ZNF804B: variants seen among roughly 807,000 people sequenced by gnomAD.
ZNF804B encodes zinc finger 804B.
ZNF804B carries 80 observed loss-of-function variants against 101.4 expected under a neutral mutation model. That is an observed-to-expected ratio of 0.79 (90% CI 0.66 to 0.95). The LOEUF (loss-of-function observed/expected upper bound fraction) is 0.95. Ranked by LOEUF, ZNF804B falls within the 40% of genes least tolerant of loss-of-function variation. The probability of loss-of-function intolerance (pLI) is 0.00; values close to 1 mark genes in which losing one functional copy is unlikely to be tolerated. For missense variants in ZNF804B, 1,673 were observed against 1,561.9 expected, an observed-to-expected ratio of 1.07 and a Z score of -1.20; for synonymous variants, 622 against 558.8, an observed-to-expected ratio of 1.11 and a Z score of -1.59.
chr7:88,961,278 T>C lies in ZNF804B; in HGVS notation c.108+201194T>C, dbSNP rs1299518604. Reference sequence around the variant, plus strand: ...TTTAAATTACTGTTAGAATTTTTAGTGTCTTATTATTTTAAAGACAGCATA... The same window carrying C: ...TTTAAATTACTGTTAGAATTTTTAGCGTCTTATTATTTTAAAGACAGCATA... On this transcript the variant is annotated intron_variant, in intron 1 of 3. Coordinates refer to ENST00000333190, the MANE Select transcript of ZNF804B (RefSeq NM_181646.5). 3.3e-5 allele frequency among the ~76,000 whole-genome samples: 5 copies of C among 151,430 alleles called. No homozygotes were observed. The Admixed American group carries it at 3.3e-4, about 10-fold the overall frequency.
Position 89,335,460 on chromosome 7 carries a change from C to G in ZNF804B, c.2478C>G (p.Ile826Met). ...CAGGGCTAAAATCTACGAGAATCATCTATTGTGATTCTAACTCACAGATTT... is the reference window on the plus strand; with the variant it reads ...CAGGGCTAAAATCTACGAGAATCATGTATTGTGATTCTAACTCACAGATTT... Reference protein sequence around the residue: ...QFSGLKSTRIIYCDSNSQISC... With the variant: ...QFSGLKSTRIMYCDSNSQISC... The change falls in exon 4 of 4, where the codon ATC (isoleucine) becomes ATG (methionine). Residue 826 changes from isoleucine to methionine, a missense_variant. Ile to Met is a conservative substitution (Grantham distance 10, BLOSUM62 1). Transcript: ENST00000333190. The G allele has an allele frequency of 6.2e-7, 1 of 1,613,982 alleles. No individual in the cohort carries two copies. Among genetic ancestry groups the G allele is most frequent in the Non-Finnish European group, 8.5e-7 (1 of 1,179,952 alleles).
chr7:89,162,661 A>G (rs1169587128), intron 1 of ZNF804B, among the ~76,000 whole-genome samples: 1 of 148,512 alleles, frequency 6.7e-6, no homozygotes, highest in Non-Finnish European at 1.5e-5. Flanking sequence ...TTTTATTATT[A>G]TTATTATTAT....
chr7:89,306,127 T>G (rs192884864), intron 2 of ZNF804B, among the ~76,000 whole-genome samples: 15 of 152,112 alleles, frequency 9.9e-5, no homozygotes, highest in Admixed American at 4.6e-4. Flanking sequence ...AGATTTCATC[T>G]CCAAGCACAA....
At chr7:88,964,088 C>A (rs954860709) in intron 1 of ZNF804B, among the ~76,000 whole-genome samples, 1 of 151,262 alleles carries the variant, frequency 6.6e-6, no homozygotes, top group African/African-American at 2.4e-5. Context: ...GCTGGGAATG[C>A]AAAATGGTGC....
At chr7:89,268,284 C>T (rs1438018138) in intron 2 of ZNF804B, among the ~76,000 whole-genome samples, 1 of 152,132 alleles carries the variant, frequency 6.6e-6, no homozygotes, top group Non-Finnish European at 1.5e-5. Flanking sequence ...CCAGATTCCT[C>T]CTCTTTCTAT....
At chr7:88,951,002 G>T (rs17165697) in intron 1 of ZNF804B, among the ~76,000 whole-genome samples, 1 of 151,582 alleles carries the variant, frequency 6.6e-6, no homozygotes, top group African/African-American at 2.4e-5. Flanking sequence ...TAAGCAATTA[G>T]GACAGAGTTG....
intron 3 of ZNF804B, among the ~76,000 whole-genome samples, chr7:89,332,322 A>C (rs1232927457): frequency 6.6e-6 from 1 of 151,860 alleles, no homozygotes; most frequent in African/African-American, 2.4e-5. Context: ...CTACATTAGA[A>C]CTTGAGCAAC....
chr7:88,966,680 CTGTA>C (rs1470563941), intron 1 of ZNF804B, among the ~76,000 whole-genome samples: 7 of 151,624 alleles, frequency 4.6e-5, no homozygotes, highest in African/African-American at 1.7e-4. Context: ...CTTTTCCTGT[CTGTA>C]TGTGAAGTTG....
chr7:88,886,108 T>C (rs1209727227), intron 1 of ZNF804B, among the ~76,000 whole-genome samples: 2 of 152,112 alleles, frequency 1.3e-5, no homozygotes, highest in African/African-American at 4.8e-5. Flanking sequence ...ACGAATTAGT[T>C]CAAAACAATG....
chr7:88,948,772 A>C (rs536482315), intron 1 of ZNF804B, among the ~76,000 whole-genome samples: 2 of 152,074 alleles, frequency 1.3e-5, no homozygotes, highest in Admixed American at 1.3e-4. Context: ...TCTTTACAAA[A>C]AGGAGAGGTG....
chr7:89,316,682 T>C (rs38950), intron 2 of ZNF804B, among the ~76,000 whole-genome samples: 16,923 of 152,122 alleles, frequency 0.11, 966 homozygotes, highest in Non-Finnish European at 0.12. Context: ...GCTGAGGTTG[T>C]AATGTAAACT....
At position 89,333,558 on chromosome 7, in the gene ZNF804B, A is replaced by T. The variant is rs985856022; in HGVS notation, c.576A>T (p.Gln192His). The T allele has an allele frequency of 1.9e-5, 31 of 1,613,456 alleles. No homozygotes were observed. The highest frequency in any genetic ancestry group is 2.5e-5 in the Non-Finnish European group (30 of 1,179,686). Residue 192 changes from glutamine to histidine, a missense_variant, in exon 4 of 4, where the codon CAA becomes CAT. Physicochemically the swap from Gln to His is conservative, Grantham distance 24. Coordinates refer to ENST00000333190, the MANE Select transcript of ZNF804B (RefSeq NM_181646.5). ...CCATGCCAAATCGACACCAATTACA[A>T]TCAGACAGGCGTTGTTTGTTTGGAA... Reference protein sequence around the residue: ...RSTMPNRHQLQSDRRCLFGNQ... With the variant: ...RSTMPNRHQLHSDRRCLFGNQ...
intron 2 of ZNF804B, among the ~76,000 whole-genome samples, chr7:89,229,241 G>T (rs997355788): frequency 2.0e-5 from 3 of 152,234 alleles, no homozygotes; most frequent in African/African-American, 7.2e-5. Flanking sequence ...CAGAGGAGGC[G>T]CTGAGAGTGA....
intron 1 of ZNF804B, among the ~76,000 whole-genome samples, chr7:89,090,790 G>A (rs1379116839): frequency 6.6e-6 from 1 of 151,896 alleles, no homozygotes; most frequent in Non-Finnish European, 1.5e-5. Flanking sequence ...AATTTGTTTT[G>A]GCAGGCTGCA....
At chr7:89,260,952 T>C (rs1789704077) in intron 2 of ZNF804B, among the ~76,000 whole-genome samples, 1 of 151,450 alleles carries the variant, frequency 6.6e-6, no homozygotes, top group Admixed American at 6.6e-5. Context: ...GCATTTGCAC[T>C]AAGCACAATA....
intron 1 of ZNF804B, among the ~76,000 whole-genome samples, chr7:88,902,052 A>G (rs905768625): frequency 2.0e-5 from 3 of 151,994 alleles, no homozygotes; most frequent in Non-Finnish European, 4.4e-5. Flanking sequence ...AACTTTAGTC[A>G]TAATTGCATA....
At chr7:89,092,969 AT>A (rs1417114153) in intron 1 of ZNF804B, among the ~76,000 whole-genome samples, 1 of 152,204 alleles carries the variant, frequency 6.6e-6, no homozygotes, top group Non-Finnish European at 1.5e-5. Flanking sequence ...GCAAGGGAAT[AT>A]TTATGTATAT....
intron 1 of ZNF804B, among the ~76,000 whole-genome samples, chr7:88,837,726 C>A (rs1448401114): frequency 6.6e-6 from 1 of 151,730 alleles, no homozygotes; most frequent in Non-Finnish European, 1.5e-5. Context: ...CCTCTTTTTC[C>A]AACTGCGTAT....
chr7:89,196,090 T>C (rs886594981), intron 1 of ZNF804B, among the ~76,000 whole-genome samples: 4 of 152,082 alleles, frequency 2.6e-5, no homozygotes, highest in African/African-American at 9.7e-5. Flanking sequence ...AGAGCCTGAA[T>C]AGCCAATACA....
Sources: allele counts gnomAD v4.1 joint callset (sites outside exome capture counted in the v4.1 genomes callset), GRCh38; gene constraint gnomAD v4.1.1; transcripts MANE v1.5; gene names NCBI Gene and HGNC (gene_info 2026-07-23, HGNC 2026-07-21).